The following SIGLEC7 variants were observed in gnomAD, a reference collection of about 807,000 sequenced individuals.
The protein encoded by SIGLEC7 is sialic acid binding Ig like lectin 7.
Under a neutral mutation model 40.8 loss-of-function variants are expected in SIGLEC7, and 33 were observed. That is an observed-to-expected ratio of 0.81 (90% confidence interval 0.61 to 1.08). SIGLEC7 has a LOEUF of 1.08. SIGLEC7 is among the 50% of genes least tolerant of loss of function. The pLI, the probability that SIGLEC7 is intolerant of heterozygous loss-of-function variation, is 0.00. For missense variants in SIGLEC7, 513 were observed against 576.1 expected (o/e 0.89, Z 1.12); for synonymous variants, 242 against 237.6 (o/e 1.02, Z -0.17).
At chr19:51,146,188 C>A in intron 4 of SIGLEC7, 67 bp downstream of exon 4, 9 of 1,567,964 alleles carry the variant, frequency 5.7e-6, no homozygotes, top group Non-Finnish European at 6.1e-6. Flanking sequence ...CCCACTGCCC[C>A]TGAGCTTCAA....
At chr19:51,143,025 C>T (rs1409110474) in intron 1 of SIGLEC7, among the ~76,000 whole-genome samples, 3 of 152,136 alleles carry the variant, frequency 2.0e-5, no homozygotes, top group Admixed American at 6.5e-5. Flanking sequence ...CATCCTCATC[C>T]TGCCTCTGAC....
chr19:51,142,542 C>G lies in SIGLEC7; in HGVS notation c.173C>G (p.Ser58Cys), dbSNP rs1347566509. Residue 58 changes from serine (S) to cysteine (C), a missense_variant, in exon 1 of 7, where the codon TCT becomes TGT. Coordinates refer to ENST00000317643, the MANE Select transcript of SIGLEC7 (RefSeq NM_014385.4). This position sits in a 1 kb window ranked among gnomAD's most constrained non-coding sequence, Gnocchi z 5.0. ...FSYPVDSQTDSDPVHGYWFRA... is the reference protein window; with the variant it reads ...FSYPVDSQTDCDPVHGYWFRA... The stretch of plus-strand genomic sequence containing the variant: ...TACCCAGTGGACAGCCAGACTGACT[C>G]TGACCCAGTTCATGGCTACTGGTTC... 6.2e-7 allele frequency: 1 copy of G among 1,614,152 alleles called. No homozygotes were observed. Among genetic ancestry groups the G allele is most frequent in the Non-Finnish European group, 8.5e-7 (1 of 1,180,016 alleles).
At chr19:51,152,033 A>T (rs1279545428) in intron 6 of SIGLEC7, among the ~76,000 whole-genome samples, 1 of 152,160 alleles carries the variant, frequency 6.6e-6, no homozygotes, top group Non-Finnish European at 1.5e-5. Context: ...CCAACAACAC[A>T]CATGGATTAA....
At chr19:51,151,020 A>T (rs1288555277) in intron 6 of SIGLEC7, among the ~76,000 whole-genome samples, 2 of 152,174 alleles carry the variant, frequency 1.3e-5, no homozygotes, top group African/African-American at 2.4e-5. Flanking sequence ...TTTCATTTTC[A>T]TGGGATTCCT....
Position 51,147,310 on chromosome 19 carries a change from C to T in SIGLEC7, c.1214C>T (p.Ala405Val). 6.2e-7 allele frequency: 1 copy of T among 1,609,334 alleles called. No individual in the cohort carries two copies. Residue 405 changes from alanine (A) to valine (V), a missense_variant, in exon 6 of 7, where the codon GCC becomes GTC. By Grantham distance (64) the Ala-to-Val change is moderately conservative (BLOSUM62 0). Transcript: ENST00000317643. ...MKDANTIRGS[A>V]SQGNLTESWA... ...GATGCAAACACCATCAGGGGCTCAG[C>T]CTCTCAGGTGAGTGATATGGGCGTC...
At chr19:51,152,379 G>T (rs2092149441) in intron 6 of SIGLEC7, among the ~76,000 whole-genome samples, 1 of 152,142 alleles carries the variant, frequency 6.6e-6, no homozygotes, top group Non-Finnish European at 1.5e-5. Context: ...TAACGTAACA[G>T]ATTCACAGGT....
At chr19:51,144,320 G>A (rs2092090667) in intron 1 of SIGLEC7, 86 bp from the exon 2 acceptor site, 1 of 1,518,640 alleles carries the variant, frequency 6.6e-7, no homozygotes. Flanking sequence ...TGGGCTCAGG[G>A]CAGAAGCTGA....
intron 6 of SIGLEC7, 80 bp from the exon 7 acceptor site, chr19:51,152,983 C>T (rs967660329): frequency 1.4e-5 from 17 of 1,254,098 alleles, no homozygotes; most frequent in African/African-American, 6.0e-5. Context: ...ACCAACCAAC[C>T]GATCAAACAA....
At chr19:51,146,216 G>A in intron 4 of SIGLEC7, 95 bp downstream of exon 4, 1 of 1,502,290 alleles carries the variant, frequency 6.7e-7, no homozygotes, top group Non-Finnish European at 9.1e-7. Context: ...CTCAGCTCTG[G>A]TCTGTGCTCA....
intron 6 of SIGLEC7, among the ~76,000 whole-genome samples, chr19:51,147,546 C>T (rs2092117578): frequency 6.6e-6 from 1 of 152,104 alleles, no homozygotes; most frequent in Non-Finnish European, 1.5e-5. Context: ...CCTCTCTGTC[C>T]TCCCTTTCTT....
At chr19:51,144,277 C>T (rs926445590) in intron 1 of SIGLEC7, 129 bp from the exon 2 acceptor site, 1 of 1,487,800 alleles carries the variant, frequency 6.7e-7, no homozygotes, top group Non-Finnish European at 8.9e-7. Context: ...GATGGGGCCC[C>T]TGCCCTGGGA....
In SIGLEC7 at chr19:51,144,910, A is replaced by G. The variant is rs1000326181; in HGVS notation, c.713-2A>G. 7.4e-6 allele frequency: 12 copies of G among 1,614,056 alleles called. No homozygotes were observed. Among genetic ancestry groups the G allele is most frequent in the Non-Finnish European group, 1.0e-5 (12 of 1,179,946 alleles). On this transcript the variant is annotated splice_acceptor_variant, in intron 2 of 6. Transcript: ENST00000317643. LOFTEE classifies it high-confidence loss of function. The stretch of plus-strand genomic sequence containing the variant: ...GCAGGTCTCCATGTCTTTCTGTCCC[A>G]GACCCTCCTCAGAACTTGACTGTGA...
chr19:51,152,935 C>A (rs866931921), intron 6 of SIGLEC7, 128 bp from the exon 7 acceptor site: 24 of 619,164 alleles, frequency 3.9e-5, no homozygotes, highest in Non-Finnish European at 4.3e-5. Context: ...GAGGCAGGAA[C>A]TCATGAAGTT....
At chr19:51,143,034 A>C (rs565849539) in intron 1 of SIGLEC7, among the ~76,000 whole-genome samples, 2 of 152,114 alleles carry the variant, frequency 1.3e-5, no homozygotes, top group East Asian at 3.9e-4. Context: ...CCTGCCTCTG[A>C]CGCTGGCATT....
intron 6 of SIGLEC7, 67 bp downstream of exon 6, chr19:51,147,384 G>A (rs928541413): frequency 6.9e-7 from 1 of 1,439,260 alleles, no homozygotes; most frequent in Non-Finnish European, 9.5e-7. Context: ...TGGCCTCCAG[G>A]ATTTCTCTGC....
chr19:51,144,224 G>A (rs999426472), intron 1 of SIGLEC7, 182 bp from the exon 2 acceptor site: 6 of 892,618 alleles, frequency 6.7e-6, no homozygotes, highest in African/African-American at 6.7e-5. Context: ...GGCTCCAGGA[G>A]ACACCACAGG....
chr19:51,146,714 T>C, intron 4 of SIGLEC7, 40 bp from the exon 5 acceptor site: 1 of 1,576,590 alleles, frequency 6.3e-7, no homozygotes, highest in Non-Finnish European at 8.7e-7. Flanking sequence ...GACCCAGTTC[T>C]TGGAGTTGGA....
At chr19:51,143,830 C>T (rs1261662472) in intron 1 of SIGLEC7, 2 of 406,718 alleles carry the variant, frequency 4.9e-6, no homozygotes, top group African/African-American at 2.1e-5. Context: ...CCACAGCGTC[C>T]CAGGCCCCAC....
intron 1 of SIGLEC7, among the ~76,000 whole-genome samples, chr19:51,143,624 G>A (rs967897977): frequency 2.0e-4 from 31 of 151,988 alleles, no homozygotes; most frequent in African/African-American, 6.8e-4. Flanking sequence ...TTTCTCTTTC[G>A]TGCTGGGTTG....
Sources: allele counts gnomAD v4.1 joint callset (sites outside exome capture counted in the v4.1 genomes callset), GRCh38; gene constraint gnomAD v4.1.1; non-coding constraint Gnocchi (gnomAD v3.1); transcripts MANE v1.5; gene names NCBI Gene and HGNC (gene_info 2026-07-23, HGNC 2026-07-21).